Variants in SORBS2 observed in about 807,000 individuals in gnomAD.
SORBS2 encodes sorbin and SH3 domain containing 2.
A neutral mutation model predicts 97.7 loss-of-function variants in SORBS2; 46 were observed. The ratio of observed to expected loss-of-function variants is 0.47; its 90% CI spans 0.37 to 0.60. The LOEUF is 0.60. Among genes scored for constraint, SORBS2 ranks in the 20% least tolerant of loss-of-function variants. The pLI is 0.00. For synonymous variants in SORBS2, 476 were observed against 473.4 expected, an observed-to-expected ratio of 1.01 and a Z score of -0.07; for missense variants, 1,316 against 1,282.3, an observed-to-expected ratio of 1.03 and a Z score of -0.40.
chr4:185,817,982 C>A (rs1457488037), intron 1 of SORBS2, among the ~76,000 whole-genome samples: 1 of 152,072 alleles, frequency 6.6e-6, no homozygotes, highest in African/African-American at 2.4e-5. Context: ...AACGGTCCAA[C>A]AACAAGTGGA....
At chr4:185,649,699 A>G in intron 2 of SORBS2, 43 bp from the exon 12 acceptor site, 1 of 1,257,282 alleles carries the variant, frequency 8.0e-7, no homozygotes, top group Non-Finnish European at 1.0e-6. Flanking sequence ...ACAGAAGCAA[A>G]TCACCTCTTA....
At chr4:185,929,542 T>G (rs1156630974) in intron 1 of SORBS2, among the ~76,000 whole-genome samples, 1 of 151,266 alleles carries the variant, frequency 6.6e-6, no homozygotes, top group Non-Finnish European at 1.5e-5. Context: ...TTTTTTTTTT[T>G]TTTTGAGACA....
intron 1 of SORBS2, among the ~76,000 whole-genome samples, chr4:185,912,459 C>T (rs796199820): frequency 6.6e-6 from 1 of 151,778 alleles, no homozygotes; most frequent in African/African-American, 2.4e-5. Context: ...GTGGTGGGCA[C>T]CTGTAATCCC....
chr4:185,623,142 G>A lies in SORBS2; in HGVS notation c.1987C>T (p.Arg663Cys), dbSNP rs926463692. 1.2e-6 allele frequency: 2 copies of A among 1,614,100 alleles called. No individual in the cohort carries two copies. The highest frequency in any genetic ancestry group is 2.2e-5 in the East Asian group (1 of 44,882). ...TCTGGCAGCAGCTCACTGATGAGGC[G>A]GTGCAGGATGCTGTTGTCCGGCAAG... The change falls in exon 7 of 15, where the codon CGC (arginine) becomes TGC (cysteine). Residue 663 changes from arginine to cysteine, a missense_variant. By Grantham distance (180) the Arg-to-Cys change is radical (BLOSUM62 -3). Transcript: ENST00000418609. The surrounding 1 kb of genome is among the most constrained non-coding windows in gnomAD (Gnocchi z 6.4).
chr4:185,708,620 A>G (rs1025092468), intron 2 of SORBS2, among the ~76,000 whole-genome samples: 1 of 152,192 alleles, frequency 6.6e-6, no homozygotes, highest in African/African-American at 2.4e-5. Flanking sequence ...AGCTATTTTT[A>G]GTTTTTCCTG....
intron 4 of SORBS2, chr4:185,666,100 G>C (rs1340460117): frequency 7.8e-7 from 1 of 1,289,812 alleles, no homozygotes; most frequent in Non-Finnish European, 1.0e-6. Context: ...TCGGTTCAAA[G>C]GTACCACGGA....
intron 2 of SORBS2, among the ~76,000 whole-genome samples, chr4:185,711,289 C>A (rs1052082406): frequency 2.0e-5 from 3 of 152,166 alleles, no homozygotes; most frequent in African/African-American, 7.2e-5. Flanking sequence ...CTATGCCTGG[C>A]CCTGACATGA....
chr4:185,639,090 A>T (rs2097082867), intron 4 of SORBS2, 55 bp from the exon 14 acceptor site: 3 of 1,432,598 alleles, frequency 2.1e-6, no homozygotes, highest in African/African-American at 3.0e-5. Context: ...TCTGGGCGGA[A>T]CCGCGAGGAC....
chr4:185,843,945 C>A (rs939515624), intron 1 of SORBS2, among the ~76,000 whole-genome samples: 3 of 152,170 alleles, frequency 2.0e-5, no homozygotes, highest in Non-Finnish European at 4.4e-5. Flanking sequence ...AAGTTGGAGG[C>A]CTTACCTACC....
At chr4:185,662,593 T>TCAG (rs752963692) in intron 4 of SORBS2, among the ~76,000 whole-genome samples, 3 of 152,174 alleles carry the variant, frequency 2.0e-5, no homozygotes, top group African/African-American at 7.2e-5. Flanking sequence ...AGTCGTAACA[T>TCAG]CAGCAATCAG....
At chr4:185,741,555 G>C (rs2098727158) in intron 2 of SORBS2, among the ~76,000 whole-genome samples, 1 of 151,810 alleles carries the variant, frequency 6.6e-6, no homozygotes, top group Non-Finnish European at 1.5e-5. Context: ...TTTTAGTACA[G>C]ATGGAGTTTC....
At chr4:185,890,966 G>A (rs916395230) in intron 1 of SORBS2, among the ~76,000 whole-genome samples, 1 of 152,210 alleles carries the variant, frequency 6.6e-6, no homozygotes, top group Non-Finnish European at 1.5e-5. Context: ...ATGAATGAAC[G>A]AATGAATGAA....
intron 1 of SORBS2, among the ~76,000 whole-genome samples, chr4:185,831,825 A>G (rs950607102): frequency 4.6e-5 from 7 of 152,198 alleles, no homozygotes; most frequent in Admixed American, 2.0e-4. Flanking sequence ...ATTTTTCCAA[A>G]TAGGACTGAA....
At chr4:185,746,680 G>A (rs139426906) in intron 2 of SORBS2, among the ~76,000 whole-genome samples, 1 of 152,280 alleles carries the variant, frequency 6.6e-6, no homozygotes, top group East Asian at 1.9e-4. Flanking sequence ...GCCAAGTTAG[G>A]ACAAGCTGAG....
At chr4:185,638,637 G>T (rs2097068377) in intron 4 of SORBS2, among the ~76,000 whole-genome samples, 1 of 151,502 alleles carries the variant, frequency 6.6e-6, no homozygotes, top group Admixed American at 6.6e-5. Context: ...TCACTCGGGT[G>T]CAGGCAGGTG....
At chr4:185,952,244 T>C (rs1426986955) in intron 1 of SORBS2, among the ~76,000 whole-genome samples, 3 of 152,174 alleles carry the variant, frequency 2.0e-5, no homozygotes, top group Non-Finnish European at 2.9e-5. Flanking sequence ...GCCAGGCTGG[T>C]CTCGAACTCC....
chr4:185,863,071 C>G (rs187257109), intron 1 of SORBS2, among the ~76,000 whole-genome samples: 2 of 152,276 alleles, frequency 1.3e-5, no homozygotes, highest in Admixed American at 1.3e-4. Context: ...GAGAAGCTCT[C>G]AAGAACCTTA....
At chr4:185,897,469 T>C (rs562268929) in intron 1 of SORBS2, among the ~76,000 whole-genome samples, 2 of 152,326 alleles carry the variant, frequency 1.3e-5, no homozygotes, top group Admixed American at 1.3e-4. Flanking sequence ...AGCATAAAAA[T>C]GGACAGTTTC....
intron 4 of SORBS2, chr4:185,666,091 CG>C: frequency 7.8e-7 from 1 of 1,289,648 alleles, no homozygotes; most frequent in Non-Finnish European, 1.0e-6. Flanking sequence ...GAAAGTGGCT[CG>C]GTTCAAAGGT....
Sources: gnomAD v4.1 joint callset for allele counts (sites outside exome capture counted in the v4.1 genomes callset) on GRCh38, gnomAD v4.1.1 for gene constraint, Gnocchi (gnomAD v3.1) non-coding constraint, MANE v1.5 for transcripts, NCBI Gene and HGNC (gene_info 2026-07-23, HGNC 2026-07-21) for gene names.